The following WWP2 variants were observed in gnomAD, a reference collection of about 807,000 sequenced individuals.
WWP2 encodes the protein WW domain containing E3 ubiquitin protein ligase 2, also known as NEDD4-like E3 ubiquitin-protein ligase WWP2.
WWP2 carries 57 observed loss-of-function variants against 121.0 expected under a neutral mutation model. The ratio of observed to expected loss-of-function variants is 0.47; its 90% CI spans 0.38 to 0.59. The LOEUF (loss-of-function observed/expected upper bound fraction) is 0.59, where lower values mean the gene tolerates loss of function less well. Among genes scored for constraint, WWP2 ranks in the 20% least tolerant of loss-of-function variants. WWP2 has a pLI of 0.00. For synonymous variants in WWP2, 449 were observed against 441.3 expected (o/e 1.02, Z -0.22); for missense variants, 962 against 1,158.9 (o/e 0.83, Z 2.47).
chr16:69,788,713 T>A (rs1230063184), intron 2 of WWP2, among the ~76,000 whole-genome samples: 1 of 152,242 alleles, frequency 6.6e-6, no homozygotes, highest in Admixed American at 6.5e-5. Flanking sequence ...GTTTAATTAA[T>A]TTATTTCATT....
chr16:69,937,792 A>G lies in WWP2; in HGVS notation c.2343+140A>G. On this transcript the variant is annotated intron_variant, in intron 21 of 23. Transcript: ENST00000359154. This position sits in a 1 kb window ranked among gnomAD's most constrained non-coding sequence, Gnocchi z 6.6. ...CACACCTTGCAAAAGGAGACGATAG[A>G]CCAGCCTTGGGATGAACGGGGACAG... The G allele has an allele frequency of 1.3e-6, 1 of 750,682 alleles. No homozygotes were observed. The highest frequency in any genetic ancestry group is 2.2e-6 in the Non-Finnish European group (1 of 461,544). 46.5% of individuals were successfully genotyped at this position (750,682 alleles called of 1,614,324 possible).
chr16:69,780,417 A>G (rs2055640092), intron 1 of WWP2, among the ~76,000 whole-genome samples: 1 of 152,192 alleles, frequency 6.6e-6, no homozygotes, highest in Non-Finnish European at 1.5e-5. Context: ...TTTTACTATT[A>G]CAAATACTGC....
Position 69,937,188 on chromosome 16 carries a change from G to A in WWP2, c.2188G>A (p.Glu730Lys). 16 of 1,614,012 alleles carry A rather than the reference G, an allele frequency of 9.9e-6. No individual in the cohort carries two copies. Among genetic ancestry groups the A allele is most frequent in the Non-Finnish European group, 1.4e-5 (16 of 1,180,026 alleles). ...QTKAFLDGFNEVAPLEWLRYF... is the reference protein window; with the variant it reads ...QTKAFLDGFNKVAPLEWLRYF... ...CAAAGCCTTCCTGGATGGCTTCAACGAGGTGGCCCCGCTGGAGTGGCTGCG... is the reference window on the plus strand; with the variant it reads ...CAAAGCCTTCCTGGATGGCTTCAACAAGGTGGCCCCGCTGGAGTGGCTGCG... The change falls in exon 20 of 24, where the codon GAG (glutamate) becomes AAG (lysine). Residue 730 changes from glutamate to lysine, a missense_variant. Glu to Lys is a moderately conservative substitution (Grantham distance 56). Around this residue, in one of 3 missense-constraint regions of WWP2, gnomAD observed 606 missense variants for 772.6 expected, o/e 0.78. Coordinates refer to ENST00000359154, the MANE Select transcript of WWP2 (RefSeq NM_001270454.2). This position sits in a 1 kb window ranked among gnomAD's most constrained non-coding sequence, Gnocchi z 6.6.
intron 5 of WWP2, among the ~76,000 whole-genome samples, chr16:69,841,663 C>T (rs1045908176): frequency 2.6e-5 from 4 of 151,514 alleles, no homozygotes; most frequent in African/African-American, 4.9e-5. Context: ...GAGAAATGCC[C>T]CCGATTTCTG....
chr16:69,925,381 C>A lies in WWP2; in HGVS notation c.1180-49C>A. 6.3e-7 allele frequency: 1 copy of A among 1,586,282 alleles called. No individual in the cohort carries two copies. The highest frequency in any genetic ancestry group is 8.6e-7 in the Non-Finnish European group (1 of 1,166,918). On this transcript the variant is annotated intron_variant, in intron 10 of 23. Transcript: ENST00000359154. This position sits in a 1 kb window ranked among gnomAD's most constrained non-coding sequence, Gnocchi z 4.0. ...TTTTATTGATTGATTGATTTTTTCA[C>A]CAGTGGCTTTTTGTAACCTCTGTGT...
At chr16:69,871,693 T>G in intron 6 of WWP2, 111 bp from the exon 7 acceptor site, 1 of 1,494,754 alleles carries the variant, frequency 6.7e-7, no homozygotes, top group Non-Finnish European at 9.1e-7. Flanking sequence ...CTATTAAAGG[T>G]CTTGTTTCCA....
chr16:69,937,412 A>G lies in WWP2; in HGVS notation c.2239-136A>G. On this transcript the variant is annotated intron_variant, in intron 20 of 23. Coordinates refer to ENST00000359154, the MANE Select transcript of WWP2 (RefSeq NM_001270454.2). This position sits in a 1 kb window ranked among gnomAD's most constrained non-coding sequence, Gnocchi z 6.6. Reference sequence around the variant, plus strand: ...AGACACTTGTTTCAAGAAAGCAGGGACTTACATTACCCATATTATTAACGC... The same window carrying G: ...AGACACTTGTTTCAAGAAAGCAGGGGCTTACATTACCCATATTATTAACGC... The G allele has an allele frequency of 1.5e-6, 2 of 1,338,082 alleles. No individual in the cohort carries two copies. Among genetic ancestry groups the G allele is most frequent in the Non-Finnish European group, 2.1e-6 (2 of 973,970 alleles). 82.9% of individuals were successfully genotyped at this position (1,338,082 alleles called of 1,614,324 possible).
chr16:69,798,936 TCTACCTATGGTACCCAAGGTGACTC>T, intron 3 of WWP2, 107 bp downstream of exon 3: 1 of 1,497,868 alleles, frequency 6.7e-7, no homozygotes, highest in Non-Finnish European at 9.0e-7. Flanking sequence ...TCCGACTTTT[TCTACCTATGGTACCCAAGGTGACTC>T]TTTTTAGGTG....
chr16:69,784,334 A>G (rs1008466444), intron 1 of WWP2, among the ~76,000 whole-genome samples: 2 of 152,110 alleles, frequency 1.3e-5, no homozygotes, highest in Non-Finnish European at 2.9e-5. Context: ...TCCTGACCTC[A>G]GGTGATCCAC....
intron 9 of WWP2, chr16:69,909,207 T>G (rs1039915454): frequency 1.6e-4 from 157 of 1,012,618 alleles, no homozygotes; most frequent in Non-Finnish European, 1.8e-4. Context: ...GAGAGAGGCT[T>G]CCAAGAGAGG....
chr16:69,846,937 T>C (rs2057092592), intron 6 of WWP2, among the ~76,000 whole-genome samples: 2 of 151,998 alleles, frequency 1.3e-5, no homozygotes, highest in Non-Finnish European at 2.9e-5. Context: ...TCTGTCACCC[T>C]GGCTAGAGTG....
intron 6 of WWP2, among the ~76,000 whole-genome samples, chr16:69,860,145 C>G (rs1011487820): frequency 6.6e-6 from 1 of 151,614 alleles, no homozygotes; most frequent in Non-Finnish European, 1.5e-5. Flanking sequence ...AGACCCCCAT[C>G]GCTATAAAAA....
chr16:69,815,074 C>G (rs1596986933), intron 4 of WWP2, among the ~76,000 whole-genome samples: 1 of 152,238 alleles, frequency 6.6e-6, no homozygotes, highest in South Asian at 2.1e-4. Flanking sequence ...ACGATCTTGG[C>G]TCACTGCAAC....
chr16:69,912,304 AAC>A (rs2058390558), intron 9 of WWP2, among the ~76,000 whole-genome samples: 1 of 151,664 alleles, frequency 6.6e-6, no homozygotes. Flanking sequence ...AAAAAAACAA[AAC>A]AAAACCTCAT....
chr16:69,875,952 TTTTA>T (rs1244359554), intron 7 of WWP2, among the ~76,000 whole-genome samples: 1 of 152,122 alleles, frequency 6.6e-6, no homozygotes, highest in East Asian at 1.9e-4. Flanking sequence ...TTTATTTATT[TTTTA>T]TTTTTTTATT....
intron 18 of WWP2, 144 bp from the exon 19 acceptor site, chr16:69,936,168 C>T: frequency 6.9e-7 from 1 of 1,441,882 alleles, no homozygotes; most frequent in Admixed American, 2.1e-5. Context: ...AGAACCTTCT[C>T]CTTGAGTCAA....
intron 9 of WWP2, among the ~76,000 whole-genome samples, chr16:69,912,017 C>T (rs188074707): frequency 2.0e-5 from 3 of 152,104 alleles, no homozygotes; most frequent in Admixed American, 6.5e-5. Context: ...TGGCTGGGCT[C>T]GGTTGCTCAC....
At chr16:69,774,534 T>A (rs1303288196) in intron 1 of WWP2, among the ~76,000 whole-genome samples, 1 of 152,142 alleles carries the variant, frequency 6.6e-6, no homozygotes, top group Non-Finnish European at 1.5e-5. Context: ...TGGGATTACA[T>A]GCATGAGCCA....
At chr16:69,885,102 TACACACACACAC>T (rs3051438) in intron 7 of WWP2, among the ~76,000 whole-genome samples, 96 of 140,046 alleles carry the variant, frequency 6.9e-4, no homozygotes, top group Non-Finnish European at 1.2e-3. Flanking sequence ...AAACTCCTCC[TACACACACACAC>T]ACACACACAC....
Sources: gnomAD v4.1 joint callset for allele counts (sites outside exome capture counted in the v4.1 genomes callset) on GRCh38, gnomAD v4.1.1 for gene constraint, gnomAD v4.1.1 regional missense constraint, Gnocchi (gnomAD v3.1) non-coding constraint, MANE v1.5 for transcripts, NCBI Gene and HGNC (gene_info 2026-07-23, HGNC 2026-07-21) for gene names.